Variants in IMMP2L observed in about 807,000 individuals in gnomAD.
The protein encoded by IMMP2L is inner mitochondrial membrane peptidase subunit 2.
A neutral mutation model predicts 19.3 loss-of-function variants in IMMP2L; 18 were observed. The observed-to-expected ratio is 0.93, with a 90% confidence interval of 0.64 to 1.38. The LOEUF is 1.38. IMMP2L is among the 40% of genes most tolerant of loss of function. IMMP2L has a pLI of 0.00. For missense variants in IMMP2L, 233 were observed against 218.2 expected, an observed-to-expected ratio of 1.07 and a Z score of -0.43; for synonymous variants, 76 against 73.0, an observed-to-expected ratio of 1.04 and a Z score of -0.21.
chr7:110,944,013 T>C lies in IMMP2L; in HGVS notation c.305+19487A>G, dbSNP rs1320801484. Reference sequence around the variant, plus strand: ...GTACTAATTGGACTAAGTTGAAATATTTCCAAAATAAATAGAATCATTTCA... The same window carrying C: ...GTACTAATTGGACTAAGTTGAAATACTTCCAAAATAAATAGAATCATTTCA... On this transcript the variant is annotated intron_variant, in intron 4 of 5. Coordinates refer to ENST00000405709, the MANE Select transcript of IMMP2L (RefSeq NM_032549.4). Among the ~76,000 whole-genome samples, 5 of 152,004 alleles carry C rather than the reference T, an allele frequency of 3.3e-5. No homozygotes were observed. The East Asian group carries it at 9.6e-4, about 29-fold the overall frequency.
chr7:111,416,129 A>G (rs1400859001), intron 3 of IMMP2L, among the ~76,000 whole-genome samples: 1 of 151,838 alleles, frequency 6.6e-6, no homozygotes, highest in Non-Finnish European at 1.5e-5. Context: ...GTCAACACCC[A>G]ACTACGCAAA....
At chr7:110,995,968 G>A (rs538888728) in intron 3 of IMMP2L, among the ~76,000 whole-genome samples, 11 of 152,228 alleles carry the variant, frequency 7.2e-5, no homozygotes, top group African/African-American at 1.7e-4. Context: ...CATAAGATGC[G>A]TGGGGAAATA....
chr7:110,713,652 G>GTT (rs34712036), intron 5 of IMMP2L, among the ~76,000 whole-genome samples: 1 of 141,902 alleles, frequency 7.0e-6, no homozygotes, highest in African/African-American at 2.6e-5. Flanking sequence ...ATTTTTAGGT[G>GTT]TTTTTTTTTT....
chr7:110,689,925 T>C (rs916158706), intron 5 of IMMP2L, among the ~76,000 whole-genome samples: 7 of 152,236 alleles, frequency 4.6e-5, no homozygotes, highest in African/African-American at 1.7e-4. Flanking sequence ...ACAATGCATG[T>C]AGTGTAAATT....
intron 5 of IMMP2L, among the ~76,000 whole-genome samples, chr7:110,886,015 T>A (rs928193564): frequency 6.6e-6 from 1 of 152,022 alleles, no homozygotes; most frequent in African/African-American, 2.4e-5. Context: ...TTCCACCTAT[T>A]GGGTCTTCAT....
At chr7:110,938,261 T>C (rs1010263668) in intron 4 of IMMP2L, among the ~76,000 whole-genome samples, 3 of 152,168 alleles carry the variant, frequency 2.0e-5, no homozygotes, top group Non-Finnish European at 4.4e-5. Flanking sequence ...TGTTAGATTC[T>C]AGTAGGGAGG....
chr7:111,298,108 G>A (rs1164344204), intron 3 of IMMP2L, among the ~76,000 whole-genome samples: 2 of 152,048 alleles, frequency 1.3e-5, no homozygotes, highest in Non-Finnish European at 2.9e-5. Context: ...AGAATATCAA[G>A]TAGCAATTAA....
chr7:111,503,374 C>T (rs576440282), intron 2 of IMMP2L, among the ~76,000 whole-genome samples: 85 of 152,106 alleles, frequency 5.6e-4, no homozygotes, highest in Admixed American at 4.5e-3. Context: ...GATTCACAGC[C>T]GAATTCTACC....
chr7:111,384,126 AGAGT>A (rs1211642320), intron 3 of IMMP2L, among the ~76,000 whole-genome samples: 1 of 151,616 alleles, frequency 6.6e-6, no homozygotes, highest in Non-Finnish European at 1.5e-5. Context: ...CCCGCGTGGC[AGAGT>A]GAGAGCCCCC....
chr7:110,947,146 A>AT (rs1041246130), intron 4 of IMMP2L, among the ~76,000 whole-genome samples: 1 of 152,088 alleles, frequency 6.6e-6, no homozygotes, highest in African/African-American at 2.4e-5. Flanking sequence ...AACAATAAGA[A>AT]TTTTTTTCAC....
intron 2 of IMMP2L, among the ~76,000 whole-genome samples, chr7:111,492,752 C>T (rs995928981): frequency 5.3e-5 from 8 of 152,180 alleles, no homozygotes; most frequent in African/African-American, 1.9e-4. Context: ...GCATGTCTAA[C>T]TTCCAATAGT....
intron 4 of IMMP2L, among the ~76,000 whole-genome samples, chr7:110,933,532 T>C (rs530921718): frequency 6.6e-6 from 1 of 152,342 alleles, no homozygotes; most frequent in African/African-American, 2.4e-5. Flanking sequence ...GATGCTTTTA[T>C]AAAAGGTATG....
At chr7:111,263,751 T>C (rs1817559690) in intron 3 of IMMP2L, among the ~76,000 whole-genome samples, 1 of 151,778 alleles carries the variant, frequency 6.6e-6, no homozygotes. Flanking sequence ...GGAAGAGGAG[T>C]AAGCAAAGAT....
intron 3 of IMMP2L, among the ~76,000 whole-genome samples, chr7:111,272,597 T>C (rs1011130287): frequency 6.6e-6 from 1 of 152,174 alleles, no homozygotes; most frequent in Non-Finnish European, 1.5e-5. Context: ...TAGGCACTGA[T>C]TGGCTGATAC....
At chr7:111,135,196 A>G (rs1802217529) in intron 3 of IMMP2L, among the ~76,000 whole-genome samples, 1 of 152,116 alleles carries the variant, frequency 6.6e-6, no homozygotes, top group Admixed American at 6.5e-5. Context: ...CTATGAGACC[A>G]ATGGCCCCTG....
At chr7:111,516,953 A>G (rs942263113) in intron 2 of IMMP2L, among the ~76,000 whole-genome samples, 3 of 152,080 alleles carry the variant, frequency 2.0e-5, no homozygotes, top group African/African-American at 7.2e-5. Flanking sequence ...GTGCAAATTT[A>G]CCAGGTAACA....
intron 3 of IMMP2L, among the ~76,000 whole-genome samples, chr7:111,010,034 A>C: frequency 6.6e-6 from 1 of 152,112 alleles, no homozygotes; most frequent in East Asian, 1.9e-4. Context: ...ATTGAGTCCT[A>C]ATTGAACAGT....
chr7:111,111,544 A>G (rs1436087325), intron 3 of IMMP2L, among the ~76,000 whole-genome samples: 10 of 152,044 alleles, frequency 6.6e-5, no homozygotes, highest in Non-Finnish European at 5.9e-5. Context: ...CCAAATGTTC[A>G]TAACCTGATA....
intron 5 of IMMP2L, among the ~76,000 whole-genome samples, chr7:110,804,288 T>C (rs1371981575): frequency 1.3e-5 from 2 of 152,046 alleles, no homozygotes; most frequent in African/African-American, 4.8e-5. Flanking sequence ...TGTGTGGCAT[T>C]CCTAAAAGAA....
Sources: gnomAD v4.1 joint callset for allele counts (sites outside exome capture counted in the v4.1 genomes callset) on GRCh38, gnomAD v4.1.1 for gene constraint, MANE v1.5 for transcripts, NCBI Gene and HGNC (gene_info 2026-07-23, HGNC 2026-07-21) for gene names.